ITGBL1: variants seen among roughly 807,000 people sequenced by gnomAD.
The protein encoded by ITGBL1 is integrin subunit beta like 1, also known as integrin beta-like protein 1.
Under a neutral mutation model 68.5 loss-of-function variants are expected in ITGBL1, and 51 were observed. That is an observed-to-expected ratio of 0.74 (90% CI 0.59 to 0.94). ITGBL1 has a LOEUF of 0.94. ITGBL1 is among the 40% of genes least tolerant of loss of function. ITGBL1 has a pLI of 0.00. For missense variants in ITGBL1, 649 were observed against 647.4 expected (o/e 1.00, Z -0.03); for synonymous variants, 209 against 227.3 (o/e 0.92, Z 0.72).
chr13:101,652,194 T>C (rs148195323), intron 7 of ITGBL1, among the ~76,000 whole-genome samples: 5 of 152,228 alleles, frequency 3.3e-5, no homozygotes, highest in African/African-American at 1.2e-4. Flanking sequence ...CAGGCTAGAG[T>C]GCAGTGGTGC....
intron 8 of ITGBL1, among the ~76,000 whole-genome samples, chr13:101,697,566 A>G (rs1465544567): frequency 2.0e-5 from 3 of 152,090 alleles, no homozygotes; most frequent in Non-Finnish European, 1.5e-5. Context: ...ACGAATGGGA[A>G]CCCTGTATTC....
chr13:101,463,908 T>A (rs1380600904), intron 2 of ITGBL1, among the ~76,000 whole-genome samples: 1 of 125,088 alleles, frequency 8.0e-6, no homozygotes, highest in African/African-American at 5.1e-5. Context: ...TCTAGTTCTT[T>A]TTTTTTTTTT....
intron 5 of ITGBL1, among the ~76,000 whole-genome samples, chr13:101,582,842 G>C (rs1273272597): frequency 1.3e-5 from 2 of 151,942 alleles, no homozygotes; most frequent in African/African-American, 4.8e-5. Flanking sequence ...CAAAATATTT[G>C]CACATTGTTT....
At chr13:101,601,382 A>G (rs1402351880) in intron 7 of ITGBL1, among the ~76,000 whole-genome samples, 1 of 152,022 alleles carries the variant, frequency 6.6e-6, no homozygotes, top group Non-Finnish European at 1.5e-5. Flanking sequence ...TTTTCAAAAA[A>G]CCAGCTCCTG....
intron 2 of ITGBL1, among the ~76,000 whole-genome samples, chr13:101,458,151 C>A (rs1333093811): frequency 6.6e-6 from 1 of 152,166 alleles, no homozygotes; most frequent in East Asian, 1.9e-4. Flanking sequence ...AGAGAAATAC[C>A]AGATATCTAT....
At chr13:101,511,872 A>G (rs1011535758) in intron 2 of ITGBL1, among the ~76,000 whole-genome samples, 1 of 152,110 alleles carries the variant, frequency 6.6e-6, no homozygotes, top group Non-Finnish European at 1.5e-5. Flanking sequence ...GTTACTTTAA[A>G]CATCTTGTTT....
chr13:101,549,954 A>T (rs1209878812), intron 2 of ITGBL1, among the ~76,000 whole-genome samples: 1 of 152,206 alleles, frequency 6.6e-6, no homozygotes, highest in Non-Finnish European at 1.5e-5. Flanking sequence ...CTGCACAAAG[A>T]TGCTCCTGTA....
At chr13:101,678,193 C>G (rs1264150467) in intron 7 of ITGBL1, among the ~76,000 whole-genome samples, 1 of 152,200 alleles carries the variant, frequency 6.6e-6, no homozygotes, top group African/African-American at 2.4e-5. Context: ...CATACATTCT[C>G]ACATATGTGT....
intron 7 of ITGBL1, among the ~76,000 whole-genome samples, chr13:101,623,503 C>A (rs2031665013): frequency 6.6e-6 from 1 of 152,106 alleles, no homozygotes; most frequent in Non-Finnish European, 1.5e-5. Context: ...AGCATTATGT[C>A]ATTATTTTTA....
chr13:101,475,399 C>A (rs2048520953), intron 2 of ITGBL1, among the ~76,000 whole-genome samples: 1 of 151,770 alleles, frequency 6.6e-6, no homozygotes, highest in Non-Finnish European at 1.5e-5. Flanking sequence ...AGACAAAAGA[C>A]AAAAAGAATG....
chr13:101,677,201 G>A (rs1008959177), intron 7 of ITGBL1, among the ~76,000 whole-genome samples: 14 of 152,072 alleles, frequency 9.2e-5, no homozygotes, highest in Non-Finnish European at 1.8e-4. Context: ...TGTCGGCAGA[G>A]GGGGAAAAAG....
chr13:101,604,519 A>G (rs2030575156), intron 7 of ITGBL1, among the ~76,000 whole-genome samples: 1 of 151,682 alleles, frequency 6.6e-6, no homozygotes, highest in Non-Finnish European at 1.5e-5. Context: ...TCATGACAGT[A>G]TGTAAGATTT....
intron 2 of ITGBL1, among the ~76,000 whole-genome samples, chr13:101,482,700 A>T (rs1219923449): frequency 6.6e-6 from 1 of 152,128 alleles, no homozygotes; most frequent in Non-Finnish European, 1.5e-5. Context: ...TTTTTCAAAT[A>T]CTCATAGGTG....
chr13:101,601,140 ACTT>A (rs1477248217), intron 7 of ITGBL1, among the ~76,000 whole-genome samples: 1 of 152,086 alleles, frequency 6.6e-6, no homozygotes, highest in African/African-American at 2.4e-5. Flanking sequence ...CAGAGATTCA[ACTT>A]CTTCCTGGTT....
chr13:101,580,614 A>G (rs1264675463), intron 5 of ITGBL1, among the ~76,000 whole-genome samples: 2 of 152,060 alleles, frequency 1.3e-5, no homozygotes, highest in Non-Finnish European at 1.5e-5. Context: ...AACAGGCCCC[A>G]GTGTGTGATG....
At chr13:101,708,026 A>AACAC (rs3062945) in intron 9 of ITGBL1, among the ~76,000 whole-genome samples, 5,444 of 144,240 alleles carry the variant, frequency 0.038, 119 homozygotes, top group African/African-American at 0.056. Context: ...CACACATGCA[A>AACAC]ACACACACAC....
chr13:101,515,587 T>G (rs942504000), intron 2 of ITGBL1, among the ~76,000 whole-genome samples: 5 of 152,124 alleles, frequency 3.3e-5, no homozygotes, highest in African/African-American at 1.2e-4. Flanking sequence ...TTTTTTCTTT[T>G]TCTTTCATTG....
intron 7 of ITGBL1, among the ~76,000 whole-genome samples, chr13:101,669,558 T>C (rs533554887): frequency 1.3e-5 from 2 of 152,324 alleles, no homozygotes; most frequent in Admixed American, 6.5e-5. Context: ...TGAACATTAC[T>C]ATACTGATAC....
At chr13:101,631,083 A>G (rs952178747) in intron 7 of ITGBL1, among the ~76,000 whole-genome samples, 1 of 152,182 alleles carries the variant, frequency 6.6e-6, no homozygotes, top group Non-Finnish European at 1.5e-5. Context: ...ACTCTGATAT[A>G]TCCTGCAGTA....
Sources: gnomAD v4.1 joint callset for allele counts (sites outside exome capture counted in the v4.1 genomes callset) on GRCh38, gnomAD v4.1.1 for gene constraint, MANE v1.5 for transcripts, NCBI Gene and HGNC (gene_info 2026-07-23, HGNC 2026-07-21) for gene names.